The following CNTN5 variants were observed in gnomAD, a reference collection of about 807,000 sequenced individuals.
CNTN5 encodes the protein contactin 5, also known as contactin-5.
A neutral mutation model predicts 129.1 loss-of-function variants in CNTN5; 77 were observed. The observed-to-expected ratio is 0.60, with a 90% confidence interval of 0.50 to 0.72. The LOEUF (loss-of-function observed/expected upper bound fraction) is 0.72, where lower values mean the gene tolerates loss of function less well. CNTN5 is among the 30% of genes least tolerant of loss of function. The probability of loss-of-function intolerance (pLI) is 0.00; values close to 1 mark genes in which losing one functional copy is unlikely to be tolerated. For synonymous variants in CNTN5, 509 were observed against 465.6 expected (o/e 1.09, Z -1.20); for missense variants, 1,478 against 1,328.8 (o/e 1.11, Z -1.75).
intron 13 of CNTN5, among the ~76,000 whole-genome samples, chr11:100,121,847 T>C (rs893532866): frequency 7.9e-5 from 12 of 151,210 alleles, no homozygotes; most frequent in African/African-American, 2.9e-4. Context: ...TGAAGAAAAA[T>C]AGAGCAGATT....
At chr11:99,709,207 T>C (rs1163774267) in intron 3 of CNTN5, among the ~76,000 whole-genome samples, 1 of 151,960 alleles carries the variant, frequency 6.6e-6, no homozygotes, top group Admixed American at 6.6e-5. Flanking sequence ...GCAACTATGA[T>C]GGCAACTTTG....
chr11:99,408,733 T>A (rs989672376), intron 2 of CNTN5, among the ~76,000 whole-genome samples: 1 of 152,142 alleles, frequency 6.6e-6, no homozygotes, highest in Non-Finnish European at 1.5e-5. Context: ...TCCAAAAAAA[T>A]AAAAATCTGT....
chr11:99,022,824 G>T (rs1175837572), intron 1 of CNTN5, among the ~76,000 whole-genome samples: 1 of 152,094 alleles, frequency 6.6e-6, no homozygotes, highest in Non-Finnish European at 1.5e-5. Context: ...TATTACAAGT[G>T]CCAGTGTTTT....
chr11:100,121,828 A>G (rs1414128137), intron 13 of CNTN5, among the ~76,000 whole-genome samples: 1 of 152,004 alleles, frequency 6.6e-6, no homozygotes, highest in Non-Finnish European at 1.5e-5. Flanking sequence ...AAAATAGAGG[A>G]AAGTATTATG....
intron 2 of CNTN5, among the ~76,000 whole-genome samples, chr11:99,374,543 G>T (rs978469141): frequency 5.3e-5 from 8 of 152,154 alleles, no homozygotes; most frequent in Admixed American, 2.6e-4. Flanking sequence ...AATTAGCCAG[G>T]CATGGTGGCA....
At chr11:99,562,701 T>C (rs1477972655) in intron 3 of CNTN5, among the ~76,000 whole-genome samples, 1 of 152,134 alleles carries the variant, frequency 6.6e-6, no homozygotes, top group East Asian at 1.9e-4. Flanking sequence ...CATTAAAATA[T>C]ATAGGACTTA....
intron 4 of CNTN5, among the ~76,000 whole-genome samples, chr11:99,834,460 C>T (rs543264600): frequency 5.3e-5 from 8 of 152,196 alleles, no homozygotes; most frequent in South Asian, 4.1e-4. Context: ...CAGGAGGTTG[C>T]GGCTGCAGTG....
At chr11:99,619,127 C>A (rs562582348) in intron 3 of CNTN5, among the ~76,000 whole-genome samples, 1 of 151,924 alleles carries the variant, frequency 6.6e-6, no homozygotes, top group African/African-American at 2.4e-5. Flanking sequence ...CCCATTTGTC[C>A]CATTCAAGAT....
At chr11:99,250,778 T>G (rs1434766043) in intron 1 of CNTN5, among the ~76,000 whole-genome samples, 2 of 151,876 alleles carry the variant, frequency 1.3e-5, no homozygotes, top group Non-Finnish European at 2.9e-5. Context: ...TACTAAATAG[T>G]GAACGATATC....
At chr11:100,176,851 GGTGTGTGTGTGT>G (rs3031275) in intron 13 of CNTN5, among the ~76,000 whole-genome samples, 7 of 150,286 alleles carry the variant, frequency 4.7e-5, no homozygotes, top group Admixed American at 4.0e-4. Flanking sequence ...CATATAGTAT[GGTGTGTGTGTGT>G]GTGTGTGTGT....
At chr11:99,304,677 A>G (rs1864791279) in intron 1 of CNTN5, among the ~76,000 whole-genome samples, 1 of 152,222 alleles carries the variant, frequency 6.6e-6, no homozygotes, top group Non-Finnish European at 1.5e-5. Context: ...ATGCTTTGAA[A>G]TACGTTTCAG....
intron 1 of CNTN5, among the ~76,000 whole-genome samples, chr11:99,187,886 AG>A (rs1858434685): frequency 3.5e-5 from 4 of 115,348 alleles, no homozygotes; most frequent in Middle Eastern, 5.7e-3. Context: ...TATACATTTA[AG>A]AAAGTCTTAA....
At chr11:100,235,723 A>C (rs1949599312) in intron 16 of CNTN5, among the ~76,000 whole-genome samples, 1 of 152,186 alleles carries the variant, frequency 6.6e-6, no homozygotes, top group Non-Finnish European at 1.5e-5. Context: ...TGGGCTTCAG[A>C]GACCAAGGCT....
intron 2 of CNTN5, among the ~76,000 whole-genome samples, chr11:99,456,887 T>C (rs528830104): frequency 1.7e-4 from 26 of 152,218 alleles, no homozygotes; most frequent in Non-Finnish European, 2.8e-4. Flanking sequence ...TATTTTAATT[T>C]AAATATTTTA....
intron 3 of CNTN5, among the ~76,000 whole-genome samples, chr11:99,556,997 T>TATGC (rs1329348047): frequency 6.6e-6 from 1 of 151,312 alleles, no homozygotes; most frequent in Non-Finnish European, 1.5e-5. Flanking sequence ...ATTTAAGCGC[T>TATGC]ATGCATGTAA....
intron 2 of CNTN5, among the ~76,000 whole-genome samples, chr11:99,450,426 A>G (rs1944255456): frequency 6.6e-6 from 1 of 152,152 alleles, no homozygotes; most frequent in Non-Finnish European, 1.5e-5. Flanking sequence ...CAAACACTGA[A>G]TTAGCAAATA....
intron 1 of CNTN5, among the ~76,000 whole-genome samples, chr11:99,022,105 T>C (rs546833058): frequency 6.6e-6 from 1 of 152,324 alleles, no homozygotes; most frequent in South Asian, 2.1e-4. Context: ...AAAAAACTTT[T>C]AAACTGTTGT....
At chr11:99,520,819 G>A (rs1248325354) in intron 2 of CNTN5, among the ~76,000 whole-genome samples, 3 of 152,048 alleles carry the variant, frequency 2.0e-5, no homozygotes, top group East Asian at 3.9e-4. Flanking sequence ...TCATAAAAAT[G>A]TTACAATGGC....
chr11:100,000,725 C>T (rs1939811013), intron 8 of CNTN5, among the ~76,000 whole-genome samples: 1 of 152,206 alleles, frequency 6.6e-6, no homozygotes, highest in African/African-American at 2.4e-5. Flanking sequence ...TTCCCTGCAG[C>T]AAACTTCTGC....
Sources: gnomAD v4.1 joint callset for allele counts (sites outside exome capture counted in the v4.1 genomes callset) on GRCh38, gnomAD v4.1.1 for gene constraint, MANE v1.5 for transcripts, NCBI Gene and HGNC (gene_info 2026-07-23, HGNC 2026-07-21) for gene names.